The following NAV1 variants were observed in gnomAD, a reference collection of about 807,000 sequenced individuals.
NAV1 encodes the protein pore membrane and/or filament interacting like protein 3.
NAV1 carries 18 observed loss-of-function variants against 175.2 expected under a neutral mutation model. That is an observed-to-expected ratio of 0.10 (90% CI 0.07 to 0.15). The LOEUF (loss-of-function observed/expected upper bound fraction) is 0.15, where lower values mean the gene tolerates loss of function less well. NAV1 is among the 10% of genes least tolerant of loss of function. NAV1 has a pLI of 1.00. For missense variants in NAV1, 1,731 were observed against 2,436.6 expected (o/e 0.71, Z 6.10); for synonymous variants, 897 against 978.7 (o/e 0.92, Z 1.56).
At chr1:201,779,628 C>T (rs764918693) in intron 3 of NAV1, among the ~76,000 whole-genome samples, 2 of 116,282 alleles carry the variant, frequency 1.7e-5, no homozygotes, top group African/African-American at 3.9e-5. Context: ...AAAAGAACAG[C>T]CAAATGAATG....
intron 28 of NAV1, among the ~76,000 whole-genome samples, chr1:201,814,019 C>T (rs906351111): frequency 6.6e-6 from 1 of 152,114 alleles, no homozygotes; most frequent in Non-Finnish European, 1.5e-5. Flanking sequence ...GATCACGCCA[C>T]TGTACTCCAG....
chr1:201,780,380 T>C, intron 3 of NAV1, 41 bp from the exon 8 acceptor site: 2 of 1,610,538 alleles, frequency 1.2e-6, no homozygotes, highest in South Asian at 1.1e-5. Flanking sequence ...TTGCCTGGGC[T>C]TCTGTTTTAA....
intron 1 of NAV1, among the ~76,000 whole-genome samples, chr1:201,554,091 A>T (rs60078171): frequency 0.028 from 4,314 of 152,210 alleles, 209 homozygotes; most frequent in African/African-American, 0.097. Flanking sequence ...CCCTCCATGG[A>T]CTGGAGCTGC....
At chr1:201,659,898 T>C (rs1669542696) in intron 1 of NAV1, among the ~76,000 whole-genome samples, 1 of 152,224 alleles carries the variant, frequency 6.6e-6, no homozygotes, top group South Asian at 2.1e-4. Flanking sequence ...GCTGTTCCAG[T>C]TGCCATGCCC....
chr1:201,734,401 C>T (rs1234664632), intron 3 of NAV1, among the ~76,000 whole-genome samples: 1 of 146,928 alleles, frequency 6.8e-6, no homozygotes, highest in South Asian at 2.2e-4. Flanking sequence ...AGAGCAAGAC[C>T]CTGTCTCAAA....
intron 15 of NAV1, chr1:201,796,221 CTA>C (rs1204250054): frequency 6.6e-6 from 1 of 152,092 alleles, no homozygotes; most frequent in East Asian, 1.9e-4. Flanking sequence ...TATGGTAACT[CTA>C]TGTTTGACTT....
At chr1:201,769,972 C>T (rs1475266911) in intron 3 of NAV1, among the ~76,000 whole-genome samples, 1 of 152,206 alleles carries the variant, frequency 6.6e-6, no homozygotes, top group Non-Finnish European at 1.5e-5. Context: ...CCATGCTGTG[C>T]TACAGAAGCA....
At chr1:201,685,677 G>A (rs1670658151) in intron 1 of NAV1, among the ~76,000 whole-genome samples, 1 of 152,180 alleles carries the variant, frequency 6.6e-6, no homozygotes, top group African/African-American at 2.4e-5. Flanking sequence ...TTCCTCTGTG[G>A]TGATAATCAG....
intron 3 of NAV1, among the ~76,000 whole-genome samples, chr1:201,760,936 G>T (rs1226733264): frequency 6.6e-6 from 1 of 152,052 alleles, no homozygotes; most frequent in Non-Finnish European, 1.5e-5. Context: ...TTCTCTTTAG[G>T]TTTTAATATT....
At position 201,549,091 on chromosome 1, in the gene NAV1, CTTTCTTTCTTTCT is replaced by C. The variant is rs1665756737; in HGVS notation, c.-144+9752_-144+9764del. 2.3e-5 allele frequency among the ~76,000 whole-genome samples: 3 copies of C among 128,674 alleles called. No individual in the cohort carries two copies. The South Asian group carries it at 8.8e-4, about 38-fold the overall frequency. 84.4% of individuals were successfully genotyped at this position (128,674 alleles called of 152,430 possible). A position where few individuals can be genotyped will look rare whatever the true frequency, so the allele number is the denominator to read the frequency against. Reference sequence around the variant, plus strand: ...ATTCTAGTTTTCTCTTTCTTTCTTTCTTTCTTTCTTTCTTTCTTTCTTTCTTTCTTTCTTTCTT... The same window carrying C: ...ATTCTAGTTTTCTCTTTCTTTCTTTCTTCTTTCTTTCTTTCTTTCTTTCTT... On this transcript the variant is annotated intron_variant, in intron 1 of 33. Transcript: ENST00000685211.
chr1:201,804,566 A>G, intron 17 of NAV1, 69 bp downstream of exon 21: 1 of 994,152 alleles, frequency 1.0e-6, no homozygotes, highest in Non-Finnish European at 1.5e-6. Flanking sequence ...TTTCCAGAGC[A>G]ACTCCCTTCC....
At chr1:201,641,300 C>A (rs1450229674) in intron 2 of NAV1, among the ~76,000 whole-genome samples, 1 of 152,204 alleles carries the variant, frequency 6.6e-6, no homozygotes, top group Non-Finnish European at 1.5e-5. Flanking sequence ...AGTTCCAAGC[C>A]ACCATCATCT....
At chr1:201,765,565 T>C (rs1249212238) in intron 3 of NAV1, among the ~76,000 whole-genome samples, 1 of 151,952 alleles carries the variant, frequency 6.6e-6, no homozygotes, top group African/African-American at 2.4e-5. Context: ...TAGCTAATTT[T>C]TTGTATTTTA....
chr1:201,757,979 C>T (rs1041289899), intron 3 of NAV1, among the ~76,000 whole-genome samples: 3 of 152,364 alleles, frequency 2.0e-5, no homozygotes, highest in South Asian at 4.1e-4. Context: ...CCAAGAGCCA[C>T]AGGGCCTCCT....
intron 2 of NAV1, among the ~76,000 whole-genome samples, chr1:201,599,845 G>T (rs1667469391): frequency 6.6e-6 from 1 of 152,194 alleles, no homozygotes; most frequent in South Asian, 2.1e-4. Context: ...TCCAGGGAGA[G>T]TTTGAGGGGG....
rs150063483 is a variant in NAV1, at chr1:201,798,854, C to T, written c.3517+4277C>T. On this transcript the variant is annotated intron_variant, in intron 15 of 29. Transcript: ENST00000367296. ...AGTAGCTGGGACTACAGGTGTGTGC[C>T]ACCATGCCTGGCTAATTTTTGTATT... is the stretch of plus-strand genomic sequence containing the variant. 7.1e-3 allele frequency among the ~76,000 whole-genome samples: 1,073 copies of T among 151,810 alleles called. 6 individuals are homozygous for T. Among genetic ancestry groups the T allele is most frequent in the African/African-American group, 0.025 (1,018 of 41,406 alleles).
rs574392735 is a variant in NAV1 at position 201,809,154 on chromosome 1, A to T, written c.4208-10A>T. The T allele has an allele frequency of 3.1e-6, 5 of 1,613,464 alleles. No homozygotes were observed. In the South Asian group the frequency reaches 4.4e-5, roughly 14 times the overall value. Reference sequence around the variant, plus strand: ...TCCTAAAACCAGTTGGTTCTTTTCAATCCCCACAGACCTGTCACCCATGGA... The same window carrying T: ...TCCTAAAACCAGTTGGTTCTTTTCATTCCCCACAGACCTGTCACCCATGGA... On this transcript the variant is annotated splice_polypyrimidine_tract_variant and intron_variant, in intron 20 of 29. Transcript: ENST00000367296.
intron 13 of NAV1, chr1:201,792,215 A>C (rs1293890804): frequency 6.6e-6 from 1 of 151,896 alleles, no homozygotes; most frequent in African/African-American, 2.4e-5. Context: ...GCCCTCAAGC[A>C]GGAGATGGGA....
At chr1:201,669,987 T>A (rs1055458067) in intron 1 of NAV1, among the ~76,000 whole-genome samples, 1 of 152,068 alleles carries the variant, frequency 6.6e-6, no homozygotes, top group African/African-American at 2.4e-5. Context: ...TTTTACTTTT[T>A]TAAAAAATAA....
Sources: gnomAD v4.1 joint callset for allele counts (sites outside exome capture counted in the v4.1 genomes callset) on GRCh38, gnomAD v4.1.1 for gene constraint, MANE v1.5 for transcripts, NCBI Gene and HGNC (gene_info 2026-07-23, HGNC 2026-07-21) for gene names.